The following PTK2B variants were observed in gnomAD, a reference collection of about 807,000 sequenced individuals.
The protein encoded by PTK2B is protein-tyrosine kinase 2-beta.
PTK2B carries 71 observed loss-of-function variants against 142.9 expected under a neutral mutation model. That is an observed-to-expected ratio of 0.50 (90% CI 0.41 to 0.61). PTK2B has a LOEUF of 0.61. Among genes scored for constraint, PTK2B ranks in the 20% least tolerant of loss-of-function variants. The probability of loss-of-function intolerance (pLI) is 0.00; values close to 1 mark genes in which losing one functional copy is unlikely to be tolerated. For missense variants in PTK2B, 1,105 were observed against 1,320.4 expected, an observed-to-expected ratio of 0.84 and a Z score of 2.53; for synonymous variants, 519 against 503.4, an observed-to-expected ratio of 1.03 and a Z score of -0.42.
chr8:27,379,689 A>G (rs1429938), intron 1 of PTK2B, among the ~76,000 whole-genome samples: 62,742 of 152,006 alleles, frequency 0.41, 14,632 homozygotes, highest in Non-Finnish European at 0.53. Flanking sequence ...CTTTTAGCAC[A>G]TGCAAGTTAA....
chr8:27,456,183 A>G (rs1250273200), intron 30 of PTK2B, among the ~76,000 whole-genome samples: 5 of 152,200 alleles, frequency 3.3e-5, no homozygotes, highest in Non-Finnish European at 5.9e-5. Context: ...GGCACACCTC[A>G]TTTTATTGCA....
At chr8:27,378,714 G>GTTTTC (rs1264398750) in intron 1 of PTK2B, among the ~76,000 whole-genome samples, 2 of 151,454 alleles carry the variant, frequency 1.3e-5, no homozygotes, top group African/African-American at 4.9e-5. Flanking sequence ...TCCTTCTGGG[G>GTTTTC]CTCCTGAAAA....
intron 2 of PTK2B, among the ~76,000 whole-genome samples, chr8:27,410,445 A>T (rs965682294): frequency 1.3e-5 from 2 of 152,226 alleles, no homozygotes; most frequent in Non-Finnish European, 2.9e-5. Flanking sequence ...CCCCTAGGAA[A>T]GGTGTGACCT....
chr8:27,378,863 G>A (rs1806838273), intron 1 of PTK2B, among the ~76,000 whole-genome samples: 1 of 152,144 alleles, frequency 6.6e-6, no homozygotes, highest in South Asian at 2.1e-4. Context: ...TGTCTGTGGT[G>A]AGGCTGTGGA....
intron 1 of PTK2B, among the ~76,000 whole-genome samples, chr8:27,370,978 C>T (rs1213394047): frequency 6.6e-6 from 1 of 152,100 alleles, no homozygotes; most frequent in Non-Finnish European, 1.5e-5. Context: ...TTACTGCAGC[C>T]TCTGCCTCCT....
upstream of PTK2B, chr8:27,310,765 C>A: frequency 2.6e-6 from 4 of 1,538,472 alleles, no homozygotes; most frequent in African/African-American, 2.7e-5. Flanking sequence ...GGTTCCAGAC[C>A]CGGCTCGGCC....
chr8:27,417,971 A>ACAG (rs1809505129), intron 2 of PTK2B, among the ~76,000 whole-genome samples: 1 of 152,168 alleles, frequency 6.6e-6, no homozygotes, highest in African/African-American at 2.4e-5. Context: ...AGAAATGGGT[A>ACAG]GAGAGGATGA....
intron 3 of PTK2B, among the ~76,000 whole-genome samples, chr8:27,314,028 C>T (rs1253543029): frequency 6.6e-6 from 1 of 152,172 alleles, no homozygotes; most frequent in Non-Finnish European, 1.5e-5. Flanking sequence ...TCCTCTCCTG[C>T]CCTGCTCATG....
At chr8:27,401,718 G>A (rs1808397611) in intron 2 of PTK2B, among the ~76,000 whole-genome samples, 1 of 152,192 alleles carries the variant, frequency 6.6e-6, no homozygotes, top group Admixed American at 6.5e-5. Flanking sequence ...TTAAAACTAT[G>A]AGTGACATGA....
At chr8:27,345,928 C>T (rs553461698) in intron 1 of PTK2B, among the ~76,000 whole-genome samples, 81 of 152,206 alleles carry the variant, frequency 5.3e-4, no homozygotes, top group African/African-American at 1.9e-3. Flanking sequence ...ATGCTCACAC[C>T]ACTGGCTACA....
chr8:27,350,834 G>T (rs972013129), intron 1 of PTK2B, among the ~76,000 whole-genome samples: 1 of 150,224 alleles, frequency 6.7e-6, no homozygotes, highest in African/African-American at 2.5e-5. Flanking sequence ...AAAAATTAGG[G>T]TGTTGGTGGC....
chr8:27,325,051 C>G (rs771860644), upstream of PTK2B, among the ~76,000 whole-genome samples: 9 of 152,186 alleles, frequency 5.9e-5, no homozygotes, highest in African/African-American at 7.2e-5. Context: ...TGCCAAAATC[C>G]CTAGTGGTAT....
intron 1 of PTK2B, among the ~76,000 whole-genome samples, chr8:27,390,654 TA>T: frequency 1.3e-5 from 2 of 152,082 alleles, no homozygotes; most frequent in Non-Finnish European, 2.9e-5. Context: ...AAATTAATAA[TA>T]ATTAAAATTA....
chr8:27,369,864 C>T (rs1481979800), intron 1 of PTK2B, among the ~76,000 whole-genome samples: 1 of 152,100 alleles, frequency 6.6e-6, no homozygotes, highest in Non-Finnish European at 1.5e-5. Flanking sequence ...GTAATCCCAG[C>T]TACTCGGAAG....
rs3076734 is a variant in PTK2B, at chr8:27,405,035, C to CCTCTCTCTCTCTCTCTCTCTCT, written c.204+7260_204+7281dup. Among the ~76,000 whole-genome samples, 1,158 of 119,284 alleles carry CCTCTCTCTCTCTCTCTCTCTCT rather than the reference C, an allele frequency of 9.7e-3. 64 individuals are homozygous for CCTCTCTCTCTCTCTCTCTCTCT. Among genetic ancestry groups the CCTCTCTCTCTCTCTCTCTCTCT allele is most frequent in the East Asian group, 0.012 (52 of 4,224 alleles). 78.3% of individuals were successfully genotyped at this position (119,284 alleles called of 152,430 possible). A position where few individuals can be genotyped will look rare whatever the true frequency, so the allele number is the denominator to read the frequency against. On this transcript the variant is annotated intron_variant, in intron 2 of 30. Coordinates refer to ENST00000346049, the MANE Select transcript of PTK2B (RefSeq NM_173176.3). The stretch of plus-strand genomic sequence containing the variant: ...CTCCCTCCCTTCCTCTCTTTCTCTT[C>CCTCTCTCTCTCTCTCTCTCTCT]CTCTCTCTCTCTCTCTCTCTCTCTC...
intron 2 of PTK2B, among the ~76,000 whole-genome samples, chr8:27,402,283 A>G (rs1451082206): frequency 6.6e-6 from 1 of 152,188 alleles, no homozygotes; most frequent in African/African-American, 2.4e-5. Context: ...CTGGGTGGTC[A>G]GGGTCCCATT....
In PTK2B at chr8:27,430,873, C is replaced by T; in HGVS notation, c.670-3C>T. The T allele has an allele frequency of 2.5e-6, 4 of 1,613,488 alleles. No homozygotes were observed. Among genetic ancestry groups the T allele is most frequent in the South Asian group, 1.1e-5 (1 of 91,006 alleles). On this transcript the variant is annotated splice_region_variant and splice_polypyrimidine_tract_variant and intron_variant, in intron 7 of 30. Coordinates refer to ENST00000346049, the MANE Select transcript of PTK2B (RefSeq NM_173176.3). ...TGCTCACACGGCCCATCCCCTCCCC[C>T]AGCCCAAACAGTTCCGGAAGATGAT...
chr8:27,449,240 A>C (rs1239753923), intron 24 of PTK2B, among the ~76,000 whole-genome samples: 1 of 152,240 alleles, frequency 6.6e-6, no homozygotes, highest in Non-Finnish European at 1.5e-5. Flanking sequence ...CCCAGCACCC[A>C]GCCCTGCCAC....
intron 2 of PTK2B, among the ~76,000 whole-genome samples, chr8:27,408,770 A>T (rs11782789): frequency 0.13 from 20,260 of 152,252 alleles, 1,676 homozygotes; most frequent in Admixed American, 0.2. Flanking sequence ...CCAAGGTCAG[A>T]CATGGAGCAT....
Sources: gnomAD v4.1 joint callset for allele counts (sites outside exome capture counted in the v4.1 genomes callset) on GRCh38, gnomAD v4.1.1 for gene constraint, MANE v1.5 for transcripts, NCBI Gene and HGNC (gene_info 2026-07-23, HGNC 2026-07-21) for gene names.